The following RUFY3 variants were observed in gnomAD, a reference collection of about 807,000 sequenced individuals.
RUFY3 encodes RUN and FYVE domain containing 3.
In RUFY3, 34 loss-of-function variants were observed where a neutral mutation model predicts 84.0. The ratio of observed to expected loss-of-function variants is 0.40; its 90% confidence interval spans 0.31 to 0.54. The LOEUF (loss-of-function observed/expected upper bound fraction) is 0.54, where lower values mean the gene tolerates loss of function less well. RUFY3 is among the 20% of genes least tolerant of loss of function. RUFY3 has a pLI of 0.39. For missense variants in RUFY3, 507 were observed against 736.8 expected, an observed-to-expected ratio of 0.69 and a Z score of 3.61; for synonymous variants, 242 against 252.9, an observed-to-expected ratio of 0.96 and a Z score of 0.41.
At chr4:70,713,980 T>A (rs1332176999) in intron 1 of RUFY3, among the ~76,000 whole-genome samples, 1 of 152,248 alleles carries the variant, frequency 6.6e-6, no homozygotes, top group East Asian at 1.9e-4. Context: ...CTTATCATAG[T>A]GCAGTTATGG....
chr4:70,718,507 C>T (rs1220986427), upstream of RUFY3, among the ~76,000 whole-genome samples: 2 of 152,146 alleles, frequency 1.3e-5, no homozygotes, highest in South Asian at 2.1e-4. Context: ...TGAACTCCCA[C>T]CCGCCTCACA....
At chr4:70,804,274 TA>T in intron 16 of RUFY3, 73 bp from the exon 17 acceptor site, 3 of 1,214,576 alleles carry the variant, frequency 2.5e-6, no homozygotes, top group Non-Finnish European at 3.6e-6. Context: ...ATATTGTAGG[TA>T]AAAAATGCAT....
chr4:70,711,265 A>G (rs965362673), intron 1 of RUFY3, among the ~76,000 whole-genome samples: 1 of 152,024 alleles, frequency 6.6e-6, no homozygotes, highest in African/African-American at 2.4e-5. Context: ...GGCCTCAAGC[A>G]CGTGTTAATC....
exon 1 of RUFY3, chr4:70,705,059 G>A (rs992152198): frequency 9.4e-6 from 12 of 1,280,790 alleles, no homozygotes; most frequent in Non-Finnish European, 1.1e-5. Flanking sequence ...CGGACCGAGA[G>A]GGCGAGGCGG....
intron 12 of RUFY3, chr4:70,789,853 A>G: frequency 8.9e-7 from 1 of 1,119,816 alleles, no homozygotes; most frequent in Non-Finnish European, 1.1e-6. Context: ...GAACATCAGA[A>G]CTCTTAATCC....
intron 6 of RUFY3, among the ~76,000 whole-genome samples, chr4:70,773,984 A>C (rs1347993757): frequency 6.6e-6 from 1 of 152,220 alleles, no homozygotes; most frequent in Non-Finnish European, 1.5e-5. Context: ...TTGAAGGTAC[A>C]TGGGAACTCT....
Position 70,768,530 on chromosome 4 carries a change from T to C in RUFY3, c.573-8T>C, listed in dbSNP as rs1010180116. ...TACAATAAGGAATTCTGTGGATTTCTCTTACAGTGAATTCTACGAACCCAA... is the reference window on the plus strand; with the variant it reads ...TACAATAAGGAATTCTGTGGATTTCCCTTACAGTGAATTCTACGAACCCAA... On this transcript the variant is annotated splice_region_variant and splice_polypyrimidine_tract_variant and intron_variant, in intron 4 of 17. Coordinates refer to ENST00000381006, the MANE Select transcript of RUFY3 (RefSeq NM_001037442.4). 1 of 1,610,548 alleles carries C rather than the reference T, an allele frequency of 6.2e-7. No homozygotes were observed. Among genetic ancestry groups the C allele is most frequent in the African/African-American group, 1.3e-5 (1 of 74,708 alleles).
intron 17 of RUFY3, among the ~76,000 whole-genome samples, chr4:70,804,791 C>G (rs76570248): frequency 6.8e-6 from 1 of 147,914 alleles, no homozygotes; most frequent in African/African-American, 2.5e-5. Flanking sequence ...AATAGCCGGG[C>G]GTGGTGGCCT....
At chr4:70,718,035 A>G (rs1288596283), upstream of RUFY3, among the ~76,000 whole-genome samples, 1 of 151,678 alleles carries the variant, frequency 6.6e-6, no homozygotes, top group Admixed American at 6.6e-5. Context: ...GGCACCCACC[A>G]CCATGCCCAG....
chr4:70,733,109 A>G (rs1310370068), intron 1 of RUFY3, among the ~76,000 whole-genome samples: 4 of 87,806 alleles, frequency 4.6e-5, no homozygotes, highest in East Asian at 4.0e-4. Context: ...AGAGAGAGAG[A>G]GAGAGAGAGA....
In RUFY3 at chr4:70,706,170, C is replaced by T. The variant is rs7671102; in HGVS notation, c.358+876C>T. Among the ~76,000 whole-genome samples, 614 of 152,246 alleles carry T rather than the reference C, an allele frequency of 4.0e-3. 4 individuals are homozygous for T. Among genetic ancestry groups the T allele is most frequent in the African/African-American group, 0.014 (577 of 41,544 alleles). On this transcript the variant is annotated intron_variant, in intron 1 of 11. Coordinates refer to the RUFY3 transcript ENST00000417478. ...TCTGATTTTCAAATACAAGCTCTTACAGTATGAAAATGTGGCTGACGATAC... is the reference window on the plus strand; with the variant it reads ...TCTGATTTTCAAATACAAGCTCTTATAGTATGAAAATGTGGCTGACGATAC...
chr4:70,777,113 T>C (rs1255603382), intron 7 of RUFY3, among the ~76,000 whole-genome samples: 1 of 152,206 alleles, frequency 6.6e-6, no homozygotes, highest in Non-Finnish European at 1.5e-5. Context: ...CTTATTTACA[T>C]GTAAGAAAAA....
intron 14 of RUFY3, among the ~76,000 whole-genome samples, chr4:70,798,697 G>A (rs528442313): frequency 1.8e-4 from 27 of 152,108 alleles, no homozygotes; most frequent in African/African-American, 6.3e-4. Flanking sequence ...CCAGAGAATC[G>A]CTTGAAACCA....
chr4:70,794,852 G>A lies in RUFY3; in HGVS notation c.1515G>A (p.Arg505=), dbSNP rs894798673. The stretch of plus-strand genomic sequence containing the variant: ...AAGAAAGAAGATTACAAAACGACAG[G>A]AGCATCCCAGGAAGGGGTTCCCAGA... ...QEKERRLQND[R]SIPGRGSQKS... The change falls in exon 14 of 18, where the codon AGG becomes AGA. Residue 505 remains arginine, a synonymous_variant. Coordinates refer to ENST00000381006, the MANE Select transcript of RUFY3 (RefSeq NM_001037442.4). 1.9e-6 allele frequency: 3 copies of A among 1,613,188 alleles called. No individual in the cohort carries two copies. The highest frequency in any genetic ancestry group is 1.3e-5 in the African/African-American group (1 of 75,004).
chr4:70,733,048 CAG>C lies in RUFY3; in HGVS notation c.178+10300_178+10301del, dbSNP rs1719564583. 2.2e-5 allele frequency among the ~76,000 whole-genome samples: 3 copies of C among 136,298 alleles called. No homozygotes were observed. The Admixed American group carries it at 2.6e-4, about 12-fold the overall frequency. The allele number at this position is 136,298 out of a possible 152,430, so 89.4% of individuals were successfully genotyped here. A position where few individuals can be genotyped will look rare whatever the true frequency, so the allele number is the denominator to read the frequency against. On this transcript the variant is annotated intron_variant, in intron 1 of 17. Transcript: ENST00000381006. Reference sequence around the variant, plus strand: ...CGCCACTGCACTCTAACCTGGGCAACAGAGTGAGACTCCATTTCAAAAGAAAG... The same window carrying C: ...CGCCACTGCACTCTAACCTGGGCAACAGTGAGACTCCATTTCAAAAGAAAG...
intron 17 of RUFY3, 63 bp from the exon 18 acceptor site, chr4:70,806,453 T>C (rs1211043506): frequency 8.8e-6 from 14 of 1,586,164 alleles, no homozygotes; most frequent in East Asian, 2.2e-5. Flanking sequence ...TGGCTTTTTA[T>C]ATCCCATGAA....
rs1242842461 is a variant in RUFY3 at position 70,727,039 on chromosome 4, CTT to C, written c.178+4307_178+4308del. ...GTGAAAGCGTAGTGGGATTTCTTTC[CTT>C]TTTTTTTTTTTTTTTTTTAACCGAA... is the stretch of plus-strand genomic sequence containing the variant. On this transcript the variant is annotated intron_variant, in intron 1 of 17. Coordinates refer to ENST00000381006, the MANE Select transcript of RUFY3 (RefSeq NM_001037442.4). 2.9e-3 allele frequency among the ~76,000 whole-genome samples: 332 copies of C among 113,220 alleles called. 1 individual carries two copies. Among genetic ancestry groups the C allele is most frequent in the African/African-American group, 8.4e-3 (267 of 31,640 alleles). The allele number at this position is 113,220 out of a possible 152,430, so 74.3% of individuals were successfully genotyped here.
intron 1 of RUFY3, among the ~76,000 whole-genome samples, chr4:70,733,127 AG>A (rs1401950277): frequency 5.5e-5 from 3 of 54,596 alleles, no homozygotes; most frequent in Non-Finnish European, 1.0e-4. Flanking sequence ...AGAGGGAGGG[AG>A]GGAGGGAGGG....
intron 1 of RUFY3, among the ~76,000 whole-genome samples, chr4:70,752,561 C>T (rs80041563): frequency 0.011 from 1,710 of 152,252 alleles, 16 homozygotes; most frequent in Middle Eastern, 0.024. Flanking sequence ...TTTGTAGATG[C>T]CCTTTGTCAA....
Sources: gnomAD v4.1 joint callset for allele counts (sites outside exome capture counted in the v4.1 genomes callset) on GRCh38, gnomAD v4.1.1 for gene constraint, MANE v1.5 for transcripts, NCBI Gene and HGNC (gene_info 2026-07-23, HGNC 2026-07-21) for gene names.